CRYL1: variants seen among roughly 807,000 people sequenced by gnomAD.
CRYL1 encodes crystallin lambda 1.
A neutral mutation model predicts 36.6 loss-of-function variants in CRYL1; 29 were observed. That is an observed-to-expected ratio of 0.79 (90% CI 0.59 to 1.08). The LOEUF (loss-of-function observed/expected upper bound fraction) is 1.08. CRYL1 is among the 50% of genes least tolerant of loss of function. The probability of loss-of-function intolerance (pLI) is 0.00; values close to 1 mark genes in which losing one functional copy is unlikely to be tolerated. For missense variants in CRYL1, 411 were observed against 407.9 expected, an observed-to-expected ratio of 1.01 and a Z score of -0.06; for synonymous variants, 152 against 151.5, an observed-to-expected ratio of 1.00 and a Z score of -0.02.
chr13:20,433,101 G>A (rs2032109324), intron 4 of CRYL1, among the ~76,000 whole-genome samples: 1 of 152,090 alleles, frequency 6.6e-6, no homozygotes, highest in Non-Finnish European at 1.5e-5. Flanking sequence ...GCCTCTTCCA[G>A]TCTAATGTCA....
intron 2 of CRYL1, among the ~76,000 whole-genome samples, chr13:20,507,952 C>G (rs2033833726): frequency 6.6e-6 from 1 of 151,252 alleles, no homozygotes. Context: ...AAAAAAAGTC[C>G]ATGCCTGGCC....
intron 1 of CRYL1, among the ~76,000 whole-genome samples, chr13:20,522,735 G>A (rs1261930396): frequency 6.6e-6 from 1 of 152,064 alleles, no homozygotes; most frequent in Non-Finnish European, 1.5e-5. Context: ...AACATTTTGT[G>A]TTCCTATTCT....
intron 3 of CRYL1, among the ~76,000 whole-genome samples, chr13:20,485,874 AT>A (rs144334497): frequency 0.014 from 2,151 of 151,398 alleles, 50 homozygotes; most frequent in African/African-American, 0.049. Context: ...TTAGTTCTTT[AT>A]TTTTTTTATA....
chr13:20,461,756 C>G (rs2032823787), intron 3 of CRYL1, among the ~76,000 whole-genome samples: 1 of 151,854 alleles, frequency 6.6e-6, no homozygotes, highest in African/African-American at 2.4e-5. Flanking sequence ...TCACCAAGGC[C>G]TCCCAGAAAG....
At chr13:20,523,626 G>T (rs1255679194) in intron 1 of CRYL1, among the ~76,000 whole-genome samples, 2 of 152,086 alleles carry the variant, frequency 1.3e-5, no homozygotes, top group African/African-American at 4.8e-5. Flanking sequence ...AAGAAATAGA[G>T]GGACGAGAAA....
intron 4 of CRYL1, among the ~76,000 whole-genome samples, chr13:20,438,767 T>A (rs1360064761): frequency 6.6e-6 from 1 of 152,196 alleles, no homozygotes; most frequent in African/African-American, 2.4e-5. Context: ...TATTTTGTAC[T>A]ATTATATTTA....
chr13:20,466,747 C>T (rs1174517529), intron 3 of CRYL1, among the ~76,000 whole-genome samples: 1 of 147,204 alleles, frequency 6.8e-6, no homozygotes, highest in Non-Finnish European at 1.5e-5. Context: ...AATAGTGAGT[C>T]TATGCTTAAT....
In CRYL1 at chr13:20,524,400, G is replaced by T. The variant is rs372231926; in HGVS notation, c.41+1354C>A. 8.0e-5 allele frequency among the ~76,000 whole-genome samples: 12 copies of T among 150,086 alleles called. No individual in the cohort carries two copies. In the South Asian group the frequency reaches 2.5e-3, roughly 32 times the overall value. On this transcript the variant is annotated intron_variant, in intron 1 of 7. Transcript: ENST00000298248. ...AAAGTGCACTTTTTTTTTTTCAGACGGAGTTTCGCTCTTATTGCCCAGACT... is the reference window on the plus strand; with the variant it reads ...AAAGTGCACTTTTTTTTTTTCAGACTGAGTTTCGCTCTTATTGCCCAGACT...
chr13:20,505,359 CAAAAAAAAA>C (rs61380702), intron 2 of CRYL1, among the ~76,000 whole-genome samples: 2 of 91,222 alleles, frequency 2.2e-5, no homozygotes, highest in Non-Finnish European at 4.6e-5. Flanking sequence ...TCTATCCCAC[CAAAAAAAAA>C]AAAAAAAAAA....
intron 4 of CRYL1, among the ~76,000 whole-genome samples, chr13:20,437,266 A>T (rs2032241984): frequency 6.6e-6 from 1 of 152,042 alleles, no homozygotes; most frequent in South Asian, 2.1e-4. Context: ...TTTAATTAAC[A>T]TCGGTTTTGT....
intron 3 of CRYL1, among the ~76,000 whole-genome samples, chr13:20,485,012 TTTGTTGTTGTTG>T (rs920124290): frequency 6.6e-6 from 1 of 151,834 alleles, no homozygotes; most frequent in East Asian, 1.9e-4. Context: ...TGCACTAGGT[TTTGTTGTTGTTG>T]TTGTTGTTGT....
intron 5 of CRYL1, chr13:20,426,612 A>G: frequency 1.3e-6 from 1 of 783,518 alleles, no homozygotes; most frequent in Non-Finnish European, 1.5e-6. Flanking sequence ...AGACACACAG[A>G]GACACATACA....
intron 5 of CRYL1, among the ~76,000 whole-genome samples, chr13:20,414,028 C>T (rs1226696377): frequency 6.6e-6 from 1 of 151,764 alleles, no homozygotes; most frequent in Non-Finnish European, 1.5e-5. Flanking sequence ...ACAAAAAATT[C>T]GCCGGGCATG....
At chr13:20,517,827 T>G (rs1043305535) in intron 1 of CRYL1, among the ~76,000 whole-genome samples, 5 of 147,202 alleles carry the variant, frequency 3.4e-5, no homozygotes, top group South Asian at 4.4e-4. Context: ...TCCCAGCTAC[T>G]CGGGAGGCTG....
In CRYL1 at chr13:20,444,904, G is replaced by A. The variant is rs149135775; in HGVS notation, c.277-5150C>T. Among the ~76,000 whole-genome samples, 767 of 152,272 alleles carry A rather than the reference G, an allele frequency of 5.0e-3. 7 individuals carry two copies. The highest frequency in any genetic ancestry group is 0.018 in the African/African-American group (740 of 41,552). ...GCTAATTTTTTGTATTTTTAGTAGA[G>A]ACGGGGTTTCAGCATGTTGGCCAGG... On this transcript the variant is annotated intron_variant, in intron 3 of 7. Coordinates refer to ENST00000298248, the MANE Select transcript of CRYL1 (RefSeq NM_015974.3).
chr13:20,421,065 CA>C (rs66714729), intron 5 of CRYL1, among the ~76,000 whole-genome samples: 40,067 of 151,122 alleles, frequency 0.27, 5,744 homozygotes, highest in African/African-American at 0.36. Context: ...AACAAACAAA[CA>C]AAAAAAAAAA....
At chr13:20,455,189 C>T (rs2032656358) in intron 3 of CRYL1, among the ~76,000 whole-genome samples, 2 of 152,146 alleles carry the variant, frequency 1.3e-5, no homozygotes, top group South Asian at 4.1e-4. Flanking sequence ...CACAATAGCA[C>T]ACATACACAA....
chr13:20,433,085 G>A (rs940690587), intron 4 of CRYL1, among the ~76,000 whole-genome samples: 1 of 152,068 alleles, frequency 6.6e-6, no homozygotes, highest in African/African-American at 2.4e-5. Flanking sequence ...TGTACCTTAA[G>A]TGTCTGCCTC....
At chr13:20,488,315 AG>A (rs765520825) in intron 3 of CRYL1, among the ~76,000 whole-genome samples, 2 of 152,198 alleles carry the variant, frequency 1.3e-5, no homozygotes, top group Non-Finnish European at 2.9e-5. Context: ...GTCTCTTTAA[AG>A]TCCCTTCAAC....
Sources: gnomAD v4.1 joint callset for allele counts (sites outside exome capture counted in the v4.1 genomes callset) on GRCh38, gnomAD v4.1.1 for gene constraint, MANE v1.5 for transcripts, NCBI Gene and HGNC (gene_info 2026-07-23, HGNC 2026-07-21) for gene names.